ITGB8: variants seen among roughly 807,000 people sequenced by gnomAD.
The protein encoded by ITGB8 is integrin subunit beta 8, also known as integrin beta-8.
In ITGB8, 30 loss-of-function variants were observed where a neutral mutation model predicts 89.5. The ratio of observed to expected loss-of-function variants is 0.34; its 90% CI spans 0.25 to 0.45. The LOEUF (loss-of-function observed/expected upper bound fraction) is 0.45, where lower values mean the gene tolerates loss of function less well. Among genes scored for constraint, ITGB8 ranks in the 20% least tolerant of loss-of-function variants. The pLI, the probability that ITGB8 is intolerant of heterozygous loss-of-function variation, is 1.00. For synonymous variants in ITGB8, 335 were observed against 320.4 expected, an observed-to-expected ratio of 1.05 and a Z score of -0.49; for missense variants, 836 against 933.3, an observed-to-expected ratio of 0.90 and a Z score of 1.36.
intron 4 of ITGB8, chr7:20,379,499 T>A (rs976698616): frequency 1.7e-5 from 4 of 230,604 alleles, no homozygotes; most frequent in Non-Finnish European, 3.3e-5. Flanking sequence ...TTTATATTTC[T>A]TTAAATATTT....
chr7:20,341,551 T>C (rs1390763677), intron 1 of ITGB8, among the ~76,000 whole-genome samples: 1 of 152,204 alleles, frequency 6.6e-6, no homozygotes, highest in Non-Finnish European at 1.5e-5. Flanking sequence ...GTTTGATGCC[T>C]TGTAAAGAAG....
At chr7:20,363,014 A>G (rs978793720) in intron 1 of ITGB8, among the ~76,000 whole-genome samples, 1 of 152,212 alleles carries the variant, frequency 6.6e-6, no homozygotes, top group Non-Finnish European at 1.5e-5. Context: ...AATTAACTAA[A>G]ACAACTCATT....
chr7:20,349,594 T>C (rs1785044951), intron 1 of ITGB8, among the ~76,000 whole-genome samples: 1 of 152,070 alleles, frequency 6.6e-6, no homozygotes, highest in South Asian at 2.1e-4. Flanking sequence ...TTAAAATAAA[T>C]TAATCTGAAT....
intron 8 of ITGB8, among the ~76,000 whole-genome samples, chr7:20,398,021 A>G (rs1787160523): frequency 1.3e-5 from 2 of 152,102 alleles, no homozygotes; most frequent in African/African-American, 4.8e-5. Context: ...GTTGTATGGA[A>G]TAAAATGCAC....
chr7:20,397,964 GT>G (rs554905247), intron 8 of ITGB8, among the ~76,000 whole-genome samples: 60 of 146,586 alleles, frequency 4.1e-4, no homozygotes, highest in African/African-American at 1.3e-3. Flanking sequence ...TTTTTTGTTT[GT>G]TTTTTTTTTG....
intron 1 of ITGB8, among the ~76,000 whole-genome samples, chr7:20,347,463 A>T (rs1168358059): frequency 2.0e-5 from 3 of 152,222 alleles, no homozygotes; most frequent in Non-Finnish European, 4.4e-5. Flanking sequence ...GGATGGATCC[A>T]TGGGAATGGA....
At chr7:20,343,799 A>G (rs1784837458) in intron 1 of ITGB8, among the ~76,000 whole-genome samples, 1 of 152,222 alleles carries the variant, frequency 6.6e-6, no homozygotes, top group Non-Finnish European at 1.5e-5. Context: ...GGTCACCTAG[A>G]GTGCCTATGA....
chr7:20,393,187 CTT>C (rs373063998), intron 7 of ITGB8, among the ~76,000 whole-genome samples: 2 of 152,184 alleles, frequency 1.3e-5, no homozygotes, highest in African/African-American at 4.8e-5. Flanking sequence ...TTTGCTTCCT[CTT>C]TGCTGTTTCT....
intron 1 of ITGB8, among the ~76,000 whole-genome samples, chr7:20,334,559 T>C (rs1280663835): frequency 6.6e-6 from 1 of 152,172 alleles, no homozygotes; most frequent in Admixed American, 6.5e-5. Context: ...ATCAACTAGA[T>C]TAACATTATT....
chr7:20,367,767 A>G (rs1285857842), intron 3 of ITGB8, among the ~76,000 whole-genome samples: 1 of 152,142 alleles, frequency 6.6e-6, no homozygotes, highest in Non-Finnish European at 1.5e-5. Flanking sequence ...TGAGATTAGT[A>G]TACACCTTTT....
At chr7:20,390,317 T>C (rs1786802659) in intron 6 of ITGB8, among the ~76,000 whole-genome samples, 1 of 152,164 alleles carries the variant, frequency 6.6e-6, no homozygotes, top group South Asian at 2.1e-4. Flanking sequence ...AACTTTAACA[T>C]CATCTCTCTG....
At position 20,415,190 on chromosome 7, in the gene ITGB8, CA is replaced by C. The variant is rs1787888727; in HGVS notation, c.*5194del. On this transcript the variant is annotated 3_prime_UTR_variant, in exon 14 of 14. Transcript: ENST00000222573. Reference sequence around the variant, plus strand: ...AATTATAAGAAAATATACATTTGCACATATTAATATAGAAATTCATTTTGTG... The same window carrying C: ...AATTATAAGAAAATATACATTTGCACTATTAATATAGAAATTCATTTTGTG... The C allele has an allele frequency of 6.6e-6, 1 of 152,140 alleles. No homozygotes were observed. Among genetic ancestry groups the C allele is most frequent in the Non-Finnish European group, 1.5e-5 (1 of 67,870 alleles). The allele number at this position is 152,140 out of a possible 1,614,324, so 9.4% of individuals were successfully genotyped here.
At chr7:20,346,411 T>C (rs1269891572) in intron 1 of ITGB8, among the ~76,000 whole-genome samples, 1 of 152,150 alleles carries the variant, frequency 6.6e-6, no homozygotes, top group African/African-American at 2.4e-5. Flanking sequence ...CAGAGCCTTC[T>C]AGGGATTAGA....
At chr7:20,398,713 AAC>A (rs1787187387) in intron 8 of ITGB8, 145 bp from the exon 9 acceptor site, 1 of 473,698 alleles carries the variant, frequency 2.1e-6, no homozygotes, top group South Asian at 8.6e-5. Context: ...ATTATGTGGA[AAC>A]ACTGTTTTTA....
At chr7:20,409,490 T>G (rs1787679651) in intron 12 of ITGB8, 125 bp from the exon 13 acceptor site, 4 of 647,830 alleles carry the variant, frequency 6.2e-6, no homozygotes, top group Non-Finnish European at 1.0e-5. Flanking sequence ...CAATCCCGAT[T>G]TGAAAATGGA....
At chr7:20,372,478 G>C (rs1785972129) in intron 3 of ITGB8, among the ~76,000 whole-genome samples, 3 of 152,278 alleles carry the variant, frequency 2.0e-5, no homozygotes, top group African/African-American at 7.2e-5. Context: ...AGTGTGGTAG[G>C]GAAATCTGTA....
chr7:20,360,348 A>ATTTTTTTTTTTTTTTT (rs71020629), intron 1 of ITGB8, among the ~76,000 whole-genome samples: 66 of 127,692 alleles, frequency 5.2e-4, no homozygotes, highest in African/African-American at 1.1e-3. Context: ...CAGTCCTTTA[A>ATTTTTTTTTTTTTTTT]TTTTTTTTTT....
At chr7:20,346,693 G>C (rs1227772334) in intron 1 of ITGB8, 11 of 985,016 alleles carry the variant, frequency 1.1e-5, no homozygotes, top group Non-Finnish European at 1.3e-5. Context: ...ACTTTCTCTG[G>C]GTGTCTTAAG....
rs1051678289 is a variant in ITGB8 at position 20,381,580 on chromosome 7, G to T, written c.802-147G>T. The T allele has an allele frequency of 1.4e-5, 8 of 558,956 alleles. No individual in the cohort carries two copies. The Middle Eastern group carries it at 1.4e-3, about 95-fold the overall frequency. 34.6% of individuals were successfully genotyped at this position (558,956 alleles called of 1,614,324 possible). A position where few individuals can be genotyped will look rare whatever the true frequency, so the allele number is the denominator to read the frequency against. On this transcript the variant is annotated intron_variant, in intron 5 of 13. Transcript: ENST00000222573. Reference sequence around the variant, plus strand: ...AGAGGATGTACAAATAAAAGTTAAAGCTATTTACGCAGCAGCGTTGTACCC... The same window carrying T: ...AGAGGATGTACAAATAAAAGTTAAATCTATTTACGCAGCAGCGTTGTACCC...
Sources: allele counts gnomAD v4.1 joint callset (sites outside exome capture counted in the v4.1 genomes callset), GRCh38; gene constraint gnomAD v4.1.1; transcripts MANE v1.5; gene names NCBI Gene and HGNC (gene_info 2026-07-23, HGNC 2026-07-21).